The following DACH1 variants were observed in gnomAD, a reference collection of about 807,000 sequenced individuals.
DACH1 encodes dachshund family transcription factor 1, also known as dachshund homolog 1.
Under a neutral mutation model 54.2 loss-of-function variants are expected in DACH1, and 12 were observed. The ratio of observed to expected loss-of-function variants is 0.22; its 90% CI spans 0.14 to 0.36. DACH1 has a LOEUF of 0.36. Ranked by LOEUF, DACH1 falls within the 10% of genes least tolerant of loss-of-function variation. The probability of loss-of-function intolerance (pLI) is 1.00; values close to 1 mark genes in which losing one functional copy is unlikely to be tolerated. For missense variants in DACH1, 805 were observed against 929.8 expected (o/e 0.87, Z 1.75); for synonymous variants, 386 against 366.2 (o/e 1.05, Z -0.62).
chr13:71,472,512 T>A (rs775517317), intron 10 of DACH1, among the ~76,000 whole-genome samples: 36 of 152,336 alleles, frequency 2.4e-4, no homozygotes, highest in Non-Finnish European at 5.9e-5. Context: ...GCCAGAAATG[T>A]TAAAAATACA....
chr13:71,645,924 A>T lies in DACH1; in HGVS notation c.965-15207T>A, dbSNP rs77607836. 9.3e-4 allele frequency among the ~76,000 whole-genome samples: 142 copies of T among 152,334 alleles called. 2 individuals are homozygous for T. In the East Asian group the frequency reaches 0.023, roughly 25 times the overall value. On this transcript the variant is annotated intron_variant, in intron 2 of 10. Transcript: ENST00000613252. ...TAAGTCTGTGTTTCTGAAACTTGAG[A>T]AATTTCAAGTTTGGAAACAAACTGA...
chr13:71,567,040 A>G (rs1884932564), intron 4 of DACH1, among the ~76,000 whole-genome samples: 1 of 152,124 alleles, frequency 6.6e-6, no homozygotes. Flanking sequence ...TTCCTAATAC[A>G]GTATTTTAAG....
intron 1 of DACH1, among the ~76,000 whole-genome samples, chr13:71,816,072 G>A (rs1284984903): frequency 1.3e-5 from 2 of 151,584 alleles, no homozygotes; most frequent in Non-Finnish European, 2.9e-5. Flanking sequence ...GCGACAGAGC[G>A]AGACTCCGTC....
chr13:71,783,828 GTTTGA>G (rs780304999), intron 1 of DACH1, among the ~76,000 whole-genome samples: 5 of 151,052 alleles, frequency 3.3e-5, no homozygotes, highest in African/African-American at 9.8e-5. Context: ...AATAATTTAG[GTTTGA>G]TTTAAGGTTT....
At chr13:71,614,763 A>AG (rs1875623936) in intron 3 of DACH1, among the ~76,000 whole-genome samples, 1 of 147,854 alleles carries the variant, frequency 6.8e-6, no homozygotes, top group Non-Finnish European at 1.5e-5. Flanking sequence ...CTAAGGCAGG[A>AG]GGATTACTTG....
rs142432760 is a variant in DACH1 at position 71,450,510 on chromosome 13, C to A, written c.2084-9818G>T. Among the ~76,000 whole-genome samples the A allele has an allele frequency of 3.3e-3, 496 of 152,172 alleles. 9 individuals are homozygous for A. The highest frequency in any genetic ancestry group is 0.022 in the Admixed American group (335 of 15,268). ...TTGGGGCTCCCTATTCCCTGAATCA[C>A]AACAATATTGAAATTACGTCAATTA... is the stretch of plus-strand genomic sequence containing the variant. On this transcript the variant is annotated intron_variant, in intron 10 of 10. Transcript: ENST00000613252.
At chr13:71,663,887 T>C (rs571896422) in intron 2 of DACH1, among the ~76,000 whole-genome samples, 1 of 151,824 alleles carries the variant, frequency 6.6e-6, no homozygotes, top group East Asian at 1.9e-4. Context: ...GTAAAGTTCA[T>C]TAATATCCAC....
intron 1 of DACH1, among the ~76,000 whole-genome samples, chr13:71,842,096 A>AT (rs1451192927): frequency 6.6e-6 from 1 of 152,164 alleles, no homozygotes; most frequent in East Asian, 1.9e-4. Context: ...CAGATAACTC[A>AT]TTTAGTACCT....
rs1274625749 is a variant in DACH1, at chr13:71,439,648, T to C, written c.*1007A>G. The C allele has an allele frequency of 1.3e-5, 2 of 152,462 alleles. No individual in the cohort carries two copies. The highest frequency in any genetic ancestry group is 2.9e-5 in the Non-Finnish European group (2 of 67,924). The allele number at this position is 152,462 out of a possible 1,614,324, so 9.4% of individuals were successfully genotyped here. On this transcript the variant is annotated 3_prime_UTR_variant, in exon 11 of 11. Coordinates refer to ENST00000613252, the MANE Select transcript of DACH1 (RefSeq NM_080759.6). ...AAAAGTGGCTGACACAGAGTTCTGA[T>C]GTCACCAGATGCTTAAGATCTCATT...
chr13:71,859,383 T>C (rs1566547202), intron 1 of DACH1, among the ~76,000 whole-genome samples: 1 of 151,832 alleles, frequency 6.6e-6, no homozygotes, highest in African/African-American at 2.4e-5. Flanking sequence ...TGACTTTGGA[T>C]CAAGTGGTGA....
chr13:71,484,217 A>T (rs184438900), intron 7 of DACH1, among the ~76,000 whole-genome samples: 16 of 152,194 alleles, frequency 1.1e-4, no homozygotes, highest in Non-Finnish European at 2.9e-5. Flanking sequence ...GGTGGAGTGC[A>T]GTGGTGCCAT....
intron 6 of DACH1, among the ~76,000 whole-genome samples, chr13:71,496,389 A>C (rs752987923): frequency 7.4e-4 from 110 of 148,822 alleles, no homozygotes; most frequent in Admixed American, 1.4e-3. Context: ...TTCAGCCATA[A>C]ATAAGAATGA....
intron 6 of DACH1, among the ~76,000 whole-genome samples, chr13:71,498,448 T>C (rs1275300853): frequency 6.6e-6 from 1 of 152,190 alleles, no homozygotes; most frequent in African/African-American, 2.4e-5. Flanking sequence ...AAATACCTTC[T>C]ATTGGAAAAC....
At chr13:71,504,055 A>G (rs1880126031) in intron 6 of DACH1, among the ~76,000 whole-genome samples, 5 of 152,152 alleles carry the variant, frequency 3.3e-5, no homozygotes, top group Admixed American at 2.6e-4. Flanking sequence ...AAATTCCTGG[A>G]CCTCTACTAT....
rs116676594 is a variant in DACH1 at position 71,775,305 on chromosome 13, A to G, written c.848+90617T>C. 3.5e-3 allele frequency among the ~76,000 whole-genome samples: 538 copies of G among 151,984 alleles called. 1 individual carries two copies. Among genetic ancestry groups the G allele is most frequent in the African/African-American group, 0.013 (520 of 41,472 alleles). ...GGGCAACAGGGCAAGTCTCTTCAAG[A>G]AAAACAATTGCCACCTCAAATTGAC... On this transcript the variant is annotated intron_variant, in intron 1 of 10. Transcript: ENST00000613252.
chr13:71,741,860 A>G (rs912947526), intron 1 of DACH1, among the ~76,000 whole-genome samples: 1 of 152,148 alleles, frequency 6.6e-6, no homozygotes, highest in Admixed American at 6.5e-5. Flanking sequence ...CAGAATACCT[A>G]TGTATAATCC....
intron 1 of DACH1, among the ~76,000 whole-genome samples, chr13:71,714,089 T>A (rs1357373488): frequency 6.6e-6 from 1 of 152,106 alleles, no homozygotes; most frequent in African/African-American, 2.4e-5. Flanking sequence ...AAATGTCAAC[T>A]GTGCATAAAT....
At chr13:71,688,712 T>A (rs1418178795) in intron 1 of DACH1, among the ~76,000 whole-genome samples, 1 of 152,184 alleles carries the variant, frequency 6.6e-6, no homozygotes. Flanking sequence ...CACTTTCAGC[T>A]TATTGGCTCA....
At position 71,590,590 on chromosome 13, in the gene DACH1, AAAGCCTT is replaced by A. The variant is rs530881495; in HGVS notation, c.1127-17585_1127-17579del. Among the ~76,000 whole-genome samples the A allele has an allele frequency of 5.1e-3, 777 of 152,274 alleles. 7 individuals are homozygous for A. Among genetic ancestry groups the A allele is most frequent in the African/African-American group, 0.017 (716 of 41,556 alleles). ...CACTTTGGAATTAGCCATAGACTAGAAAGCCTTACACAGAGATGTCCCTTACAAAATG... is the reference window on the plus strand; with the variant it reads ...CACTTTGGAATTAGCCATAGACTAGAACACAGAGATGTCCCTTACAAAATG... On this transcript the variant is annotated intron_variant, in intron 3 of 10. Transcript: ENST00000613252.
Sources: allele counts gnomAD v4.1 joint callset (sites outside exome capture counted in the v4.1 genomes callset), GRCh38; gene constraint gnomAD v4.1.1; transcripts MANE v1.5; gene names NCBI Gene and HGNC (gene_info 2026-07-23, HGNC 2026-07-21).